Variants in ERCC6L2 observed in about 807,000 individuals in gnomAD.
ERCC6L2 encodes the protein DNA excision repair protein ERCC-6-like 2.
ERCC6L2 carries 77 observed loss-of-function variants against 132.0 expected under a neutral mutation model. The ratio of observed to expected loss-of-function variants is 0.58; its 90% CI spans 0.49 to 0.71. The LOEUF is 0.71. Among genes scored for constraint, ERCC6L2 ranks in the 30% least tolerant of loss-of-function variants. The pLI, the probability that ERCC6L2 is intolerant of heterozygous loss-of-function variation, is 0.00. For missense variants in ERCC6L2, 1,542 were observed against 1,837.6 expected, an observed-to-expected ratio of 0.84 and a Z score of 2.94; for synonymous variants, 583 against 632.4, an observed-to-expected ratio of 0.92 and a Z score of 1.17.
chr9:96,031,150 A>G (rs139811531), intron 19 of ERCC6L2, among the ~76,000 whole-genome samples: 455 of 152,364 alleles, frequency 3.0e-3, no homozygotes, highest in African/African-American at 0.011. Context: ...GTGTTGAGAT[A>G]GAGCAGTGTC....
chr9:96,005,152 A>C (rs1833823285), intron 18 of ERCC6L2, among the ~76,000 whole-genome samples: 1 of 152,184 alleles, frequency 6.6e-6, no homozygotes, highest in Admixed American at 6.5e-5. Flanking sequence ...TCTCTACTAA[A>C]AATGCAAAAA....
chr9:95,916,452 A>G lies in ERCC6L2; in HGVS notation c.1158+18A>G, dbSNP rs763654426. On this transcript the variant is annotated intron_variant, in intron 6 of 18. Transcript: ENST00000653738. ...AAGACCGGGTAAGAACCGCATTTGTATATATTATTAATTTGTGGTCATATT... is the reference window on the plus strand; with the variant it reads ...AAGACCGGGTAAGAACCGCATTTGTGTATATTATTAATTTGTGGTCATATT... 9.5e-6 allele frequency: 14 copies of G among 1,471,862 alleles called. No individual in the cohort carries two copies. The East Asian group carries it at 9.7e-5, about 10-fold the overall frequency. The allele number at this position is 1,471,862 out of a possible 1,614,324, so 91.2% of individuals were successfully genotyped here.
intron 14 of ERCC6L2, 76 bp from the exon 15 acceptor site, chr9:95,970,500 A>C: frequency 2.5e-6 from 2 of 793,748 alleles, no homozygotes; most frequent in African/African-American, 1.8e-5. Context: ...AATAGCATGC[A>C]TTGCTGTTGT....
intron 11 of ERCC6L2, among the ~76,000 whole-genome samples, chr9:95,941,078 C>T (rs1221731739): frequency 6.6e-6 from 1 of 152,054 alleles, no homozygotes; most frequent in Non-Finnish European, 1.5e-5. Flanking sequence ...ATAAGATGTG[C>T]ATCTATTCCT....
intron 2 of ERCC6L2, among the ~76,000 whole-genome samples, chr9:95,895,023 C>G (rs1040946482): frequency 4.6e-5 from 7 of 152,142 alleles, no homozygotes; most frequent in African/African-American, 1.7e-4. Flanking sequence ...TCTTCTGTAT[C>G]TTTACTGATT....
chr9:95,986,538 C>T (rs1833103736), intron 17 of ERCC6L2, among the ~76,000 whole-genome samples: 1 of 150,122 alleles, frequency 6.7e-6, no homozygotes, highest in Admixed American at 6.7e-5. Context: ...TTGGTGTCAC[C>T]CAGGCCAGTG....
intron 17 of ERCC6L2, among the ~76,000 whole-genome samples, chr9:96,000,218 G>A (rs1833618042): frequency 6.6e-6 from 1 of 152,064 alleles, no homozygotes; most frequent in South Asian, 2.1e-4. Context: ...TATTTTTAAG[G>A]AAAGTACTTT....
At chr9:95,963,566 A>G (rs564626863) in intron 13 of ERCC6L2, among the ~76,000 whole-genome samples, 1 of 152,194 alleles carries the variant, frequency 6.6e-6, no homozygotes, top group Admixed American at 6.5e-5. Context: ...ATTCACATGA[A>G]GAAATTAACT....
chr9:96,002,615 A>G (rs1833728382), intron 17 of ERCC6L2, among the ~76,000 whole-genome samples: 1 of 151,850 alleles, frequency 6.6e-6, no homozygotes, highest in African/African-American at 2.4e-5. Flanking sequence ...TGTAGAGAAA[A>G]GGTTTTACCA....
At chr9:95,962,149 C>A (rs1185046068) in intron 13 of ERCC6L2, among the ~76,000 whole-genome samples, 6 of 152,102 alleles carry the variant, frequency 3.9e-5, no homozygotes, top group African/African-American at 1.4e-4. Flanking sequence ...GTGAAAAAAT[C>A]TTTTTAACCA....
rs1834135125 is a variant in ERCC6L2, at chr9:96,014,441, T to C, written c.*1238T>C. On this transcript the variant is annotated 3_prime_UTR_variant, in exon 19 of 19. Transcript: ENST00000653738. Reference sequence around the variant, plus strand: ...AACAAAAGTCTTCTCAAGGGACTGATCGGCCAAGTATGCTTTTCTTTAGAG... The same window carrying C: ...AACAAAAGTCTTCTCAAGGGACTGACCGGCCAAGTATGCTTTTCTTTAGAG... The C allele has an allele frequency of 6.6e-6, 1 of 152,246 alleles. No homozygotes were observed. The highest frequency in any genetic ancestry group is 6.5e-5 in the Admixed American group (1 of 15,286). 9.4% of individuals were successfully genotyped at this position (152,246 alleles called of 1,614,324 possible).
chr9:96,026,657 AAC>A (rs1450664293), intron 19 of ERCC6L2, among the ~76,000 whole-genome samples: 2 of 139,432 alleles, frequency 1.4e-5, no homozygotes, highest in Middle Eastern at 3.8e-3. Context: ...ACCACACACA[AAC>A]ACACCACACA....
chr9:96,037,747 G>A (rs78370917), intron 19 of ERCC6L2, among the ~76,000 whole-genome samples: 4,957 of 152,270 alleles, frequency 0.033, 113 homozygotes, highest in East Asian at 0.15. Flanking sequence ...AGTTTGGTGA[G>A]ATCCCACAGA....
chr9:96,020,512 ACCT>A (rs546379468), downstream of ERCC6L2: 983 of 330,600 alleles, frequency 3.0e-3, 5 homozygotes, highest in Middle Eastern at 8.8e-3. Flanking sequence ...GGCGCCGCTC[ACCT>A]CCTAAAATGC....
At chr9:95,877,800 G>A (rs1354203420) in intron 1 of ERCC6L2, among the ~76,000 whole-genome samples, 1 of 147,474 alleles carries the variant, frequency 6.8e-6, no homozygotes, top group African/African-American at 2.5e-5. Flanking sequence ...AGACACTCTT[G>A]TCTAAAAAAA....
intron 17 of ERCC6L2, among the ~76,000 whole-genome samples, chr9:95,985,200 T>C (rs1833051249): frequency 6.6e-6 from 1 of 152,224 alleles, no homozygotes; most frequent in South Asian, 2.1e-4. Flanking sequence ...TTACCTCATG[T>C]GGATTCGTTT....
At chr9:95,937,526 T>C (rs1044058070) in intron 11 of ERCC6L2, among the ~76,000 whole-genome samples, 3 of 152,124 alleles carry the variant, frequency 2.0e-5, no homozygotes, top group Admixed American at 6.6e-5. Context: ...ATTTCTTTAA[T>C]AGTTATAGGA....
chr9:95,999,026 T>A (rs1265299633), intron 17 of ERCC6L2, among the ~76,000 whole-genome samples: 1 of 152,236 alleles, frequency 6.6e-6, no homozygotes, highest in African/African-American at 2.4e-5. Flanking sequence ...TAGATAGATT[T>A]TTAAAAATAA....
intron 19 of ERCC6L2, among the ~76,000 whole-genome samples, chr9:96,030,287 T>TGGCC (rs1263305895): frequency 6.6e-6 from 1 of 152,130 alleles, no homozygotes; most frequent in Non-Finnish European, 1.5e-5. Context: ...CAATAAAAGC[T>TGGCC]GGCCACCCCA....
Sources: gnomAD v4.1 joint callset for allele counts (sites outside exome capture counted in the v4.1 genomes callset) on GRCh38, gnomAD v4.1.1 for gene constraint, MANE v1.5 for transcripts, NCBI Gene and HGNC (gene_info 2026-07-23, HGNC 2026-07-21) for gene names.